TTC39C: variants seen among roughly 807,000 people sequenced by gnomAD.
The protein encoded by TTC39C is tetratricopeptide repeat domain 39C.
TTC39C carries 33 observed loss-of-function variants against 76.3 expected under a neutral mutation model. That is an observed-to-expected ratio of 0.43 (90% confidence interval 0.33 to 0.58). The LOEUF is 0.58. Among genes scored for constraint, TTC39C ranks in the 20% least tolerant of loss-of-function variants. The pLI is 0.04. For missense variants in TTC39C, 595 were observed against 701.4 expected (o/e 0.85, Z 1.71); for synonymous variants, 254 against 260.6 (o/e 0.97, Z 0.24).
intron 4 of TTC39C, among the ~76,000 whole-genome samples, chr18:24,069,976 C>A (rs573328564): frequency 2.6e-5 from 4 of 152,232 alleles, no homozygotes; most frequent in Admixed American, 6.5e-5. Flanking sequence ...ACCGAAAATT[C>A]TAAAAGGAAA....
At chr18:24,118,005 T>C (rs553018856) in intron 7 of TTC39C, 120 bp from the exon 8 acceptor site, 3 of 666,932 alleles carry the variant, frequency 4.5e-6, no homozygotes, top group Admixed American at 7.5e-5. Flanking sequence ...GGTTAAACTT[T>C]TTTACGCATT....
rs543057887 is a variant in TTC39C at position 24,116,992 on chromosome 18, A to AT, written c.1079-1127dup. On this transcript the variant is annotated intron_variant, in intron 7 of 13. Coordinates refer to ENST00000317571, the MANE Select transcript of TTC39C (RefSeq NM_001135993.2). ...AGGCGTGCACCACCACACCTGGCTAATTTTTTATAGAGATGGGGTTTCACC... is the reference window on the plus strand; with the variant it reads ...AGGCGTGCACCACCACACCTGGCTAATTTTTTTATAGAGATGGGGTTTCACC... Among the ~76,000 whole-genome samples, 93 of 151,750 alleles carry AT rather than the reference A, an allele frequency of 6.1e-4. No homozygotes were observed. The East Asian group carries it at 0.015, about 24-fold the overall frequency.
chr18:24,063,763 C>A (rs1279388950), intron 1 of TTC39C, among the ~76,000 whole-genome samples: 1 of 152,174 alleles, frequency 6.6e-6, no homozygotes, highest in Non-Finnish European at 1.5e-5. Context: ...ATCTGCCTGC[C>A]TCAGCCTCCC....
At chr18:24,057,695 C>T (rs1487015029) in intron 1 of TTC39C, among the ~76,000 whole-genome samples, 2 of 152,136 alleles carry the variant, frequency 1.3e-5, no homozygotes, top group African/African-American at 2.4e-5. Flanking sequence ...ATTATTTCCA[C>T]TTTGTGGCTA....
chr18:24,070,620 G>A (rs189248483), intron 4 of TTC39C, among the ~76,000 whole-genome samples: 29 of 152,214 alleles, frequency 1.9e-4, no homozygotes, highest in African/African-American at 4.3e-4. Context: ...TTAAGCAGGC[G>A]GATCACTTGA....
At chr18:24,045,921 A>ATATATATATATATG (rs2083872363) in intron 1 of TTC39C, among the ~76,000 whole-genome samples, 1 of 18,080 alleles carries the variant, frequency 5.5e-5, no homozygotes, top group African/African-American at 2.2e-4. Context: ...ATATATATAT[A>ATATATATATATATG]TATATATTTT....
At chr18:24,129,927 T>C (rs2085102711) in intron 11 of TTC39C, among the ~76,000 whole-genome samples, 1 of 152,246 alleles carries the variant, frequency 6.6e-6, no homozygotes, top group Admixed American at 6.5e-5. Flanking sequence ...CAAATGCTTA[T>C]GTGCTAGCAA....
At position 24,133,125 on chromosome 18, in the gene TTC39C, T is replaced by A. The variant is rs1458067419; in HGVS notation, c.*551T>A. The A allele has an allele frequency of 6.6e-6, 1 of 152,246 alleles. No homozygotes were observed. The highest frequency in any genetic ancestry group is 1.5e-5 in the Non-Finnish European group (1 of 68,062). The allele number at this position is 152,246 out of a possible 1,614,324, so 9.4% of individuals were successfully genotyped here. A position where few individuals can be genotyped will look rare whatever the true frequency, so the allele number is the denominator to read the frequency against. The stretch of plus-strand genomic sequence containing the variant: ...CTCAGGCACAAAAAGGCAAATTGAC[T>A]TATCCCAATTAATTATTCCTGTTAT... On this transcript the variant is annotated 3_prime_UTR_variant, in exon 14 of 14. Transcript: ENST00000317571.
intron 7 of TTC39C, among the ~76,000 whole-genome samples, chr18:24,117,888 T>C (rs2084916680): frequency 6.6e-6 from 1 of 152,212 alleles, no homozygotes; most frequent in South Asian, 2.1e-4. Flanking sequence ...TATGCCATTC[T>C]CTTCTGTGCT....
chr18:24,024,861 G>GT (rs776405069), intron 1 of TTC39C, among the ~76,000 whole-genome samples: 2 of 148,982 alleles, frequency 1.3e-5, no homozygotes, highest in Non-Finnish European at 3.0e-5. Flanking sequence ...ATAAATAGTT[G>GT]GTTTTTGTTT....
In TTC39C at chr18:24,045,590, G is replaced by T. The variant is rs182297959; in HGVS notation, c.168-18550G>T. On this transcript the variant is annotated intron_variant, in intron 1 of 13. Transcript: ENST00000317571. The stretch of plus-strand genomic sequence containing the variant: ...ATTTCTACTCTGGAACGTAAACTCC[G>T]TGGGAAGGGCCTCATTCCACTGCCT... Among the ~76,000 whole-genome samples the T allele has an allele frequency of 1.1e-4, 16 of 152,058 alleles. No homozygotes were observed. In the East Asian group the frequency reaches 2.5e-3, roughly 24 times the overall value.
chr18:24,051,605 C>T (rs1030631650), intron 1 of TTC39C, among the ~76,000 whole-genome samples: 1 of 152,136 alleles, frequency 6.6e-6, no homozygotes, highest in Non-Finnish European at 1.5e-5. Context: ...CTGGGGTGGT[C>T]AGTGGTTTTA....
At chr18:24,011,685 A>G (rs775648301), upstream of TTC39C, among the ~76,000 whole-genome samples, 2 of 152,362 alleles carry the variant, frequency 1.3e-5, no homozygotes, top group Non-Finnish European at 1.5e-5. Context: ...ATTTGAAATT[A>G]AAGTTTCATT....
intron 6 of TTC39C, among the ~76,000 whole-genome samples, chr18:24,102,837 C>T (rs4581788): frequency 6.6e-6 from 1 of 152,090 alleles, no homozygotes; most frequent in Non-Finnish European, 1.5e-5. Context: ...GGCCGGTGTG[C>T]TGGCTCACGC....
chr18:24,108,728 A>G (rs1273160183), intron 6 of TTC39C, among the ~76,000 whole-genome samples: 1 of 152,152 alleles, frequency 6.6e-6, no homozygotes, highest in Admixed American at 6.6e-5. Flanking sequence ...TTTATAGTAC[A>G]TGGTTTATTT....
chr18:24,063,824 A>G (rs557951864), intron 1 of TTC39C, among the ~76,000 whole-genome samples: 2 of 152,202 alleles, frequency 1.3e-5, no homozygotes, highest in South Asian at 2.1e-4. Flanking sequence ...TGTTTCTACT[A>G]TCTTTATATT....
chr18:24,055,920 T>C (rs1048714733), intron 1 of TTC39C, among the ~76,000 whole-genome samples: 1 of 152,252 alleles, frequency 6.6e-6, no homozygotes, highest in Admixed American at 6.5e-5. Flanking sequence ...TTTCTTGGCA[T>C]TGTTTTACTT....
chr18:24,044,560 G>A (rs1459422773), intron 1 of TTC39C, among the ~76,000 whole-genome samples: 1 of 152,166 alleles, frequency 6.6e-6, no homozygotes. Context: ...GACCAAGGTG[G>A]AGGTTGGTGT....
chr18:24,118,983 C>T (rs2084932807), intron 8 of TTC39C, among the ~76,000 whole-genome samples: 1 of 152,126 alleles, frequency 6.6e-6, no homozygotes, highest in Admixed American at 6.6e-5. Context: ...TTGGTTCGTG[C>T]CCTGGTTACA....
Sources: gnomAD v4.1 joint callset for allele counts (sites outside exome capture counted in the v4.1 genomes callset) on GRCh38, gnomAD v4.1.1 for gene constraint, MANE v1.5 for transcripts, NCBI Gene and HGNC (gene_info 2026-07-23, HGNC 2026-07-21) for gene names.